TKFC: variants seen among roughly 807,000 people sequenced by gnomAD.
TKFC encodes triokinase/FMN cyclase.
A neutral mutation model predicts 61.0 loss-of-function variants in TKFC; 46 were observed. The ratio of observed to expected loss-of-function variants is 0.75; its 90% CI spans 0.60 to 0.96. The LOEUF (loss-of-function observed/expected upper bound fraction) is 0.96. Ranked by LOEUF, TKFC falls within the 50% of genes least tolerant of loss-of-function variation. The probability of loss-of-function intolerance (pLI) is 0.00; values close to 1 mark genes in which losing one functional copy is unlikely to be tolerated. For synonymous variants in TKFC, 314 were observed against 330.1 expected (o/e 0.95, Z 0.53); for missense variants, 715 against 777.5 (o/e 0.92, Z 0.96).
downstream of TKFC, chr11:61,349,727 C>G (rs1011224528): frequency 4.4e-6 from 3 of 684,898 alleles, no homozygotes; most frequent in African/African-American, 3.5e-5. Context: ...GCGGTCAGCT[C>G]CTCAGCAGAA....
downstream of TKFC, chr11:61,352,767 A>T: frequency 7.2e-7 from 1 of 1,397,844 alleles, no homozygotes; most frequent in Non-Finnish European, 9.3e-7. Flanking sequence ...TGTTTCTGAC[A>T]CACAGCAGGT....
At position 61,342,564 on chromosome 11, in the gene TKFC, CCTCT is replaced by C. The variant is rs780069679; in HGVS notation, c.691-9_691-6del. Reference sequence around the variant, plus strand: ...CCCAGATGCAGCTCATTCCTGGCTCCCTCTGACAGATGGCAACCGCCGATGAGAT... The same window carrying C: ...CCCAGATGCAGCTCATTCCTGGCTCCGACAGATGGCAACCGCCGATGAGAT... On this transcript the variant is annotated splice_polypyrimidine_tract_variant and splice_region_variant and intron_variant, in intron 8 of 17. Transcript: ENST00000394900. 3.1e-6 allele frequency: 5 copies of C among 1,613,996 alleles called. No homozygotes were observed. Among genetic ancestry groups the C allele is most frequent in the Admixed American group, 3.3e-5 (2 of 60,024 alleles).
At position 61,345,876 on chromosome 11, in the gene TKFC, C is replaced by T. The variant is rs148702395; in HGVS notation, c.1505C>T (p.Ala502Val). The T allele has an allele frequency of 3.1e-5, 50 of 1,614,130 alleles. No homozygotes were observed. In the African/African-American group the frequency reaches 3.6e-4, roughly 12 times the overall value. The part of the protein sequence containing the change: ...DRTMLDSLWA[A>V]GQELQAWKSP... ...GTCCAGCTGGATTCTCTGTGGGCAGCGGGGCAGGAGCTCCAAGCCTGGAAG... is the reference window on the plus strand; with the variant it reads ...GTCCAGCTGGATTCTCTGTGGGCAGTGGGGCAGGAGCTCCAAGCCTGGAAG... The change falls in exon 17 of 18, where the codon GCG becomes GTG. Residue 502 changes from alanine (A) to valine (V), a missense_variant. Coordinates refer to ENST00000394900, the MANE Select transcript of TKFC (RefSeq NM_015533.4).
chr11:61,333,377 C>T (rs1266058498), intron 1 of TKFC, 48 bp downstream of exon 1: 1 of 162,138 alleles, frequency 6.2e-6, no homozygotes, highest in Non-Finnish European at 1.3e-5. Flanking sequence ...CACCCCGTTC[C>T]GCGCCCTTTG....
At chr11:61,339,638 C>A in intron 5 of TKFC, 1 of 604,768 alleles carries the variant, frequency 1.7e-6, no homozygotes, top group Non-Finnish European at 2.9e-6. Flanking sequence ...GTCCCCTTTT[C>A]TTCTCCACAC....
At position 61,339,256 on chromosome 11, in the gene TKFC, G is replaced by A. The variant is rs767431212; in HGVS notation, c.307G>A (p.Gly103Arg). Reference sequence around the variant, plus strand: ...AGCCCTTCCGGCTGCTCCCGCAGTGGGGACGCTCCTTATCGTGAAGAACTA... The same window carrying A: ...AGCCCTTCCGGCTGCTCCCGCAGTGAGGACGCTCCTTATCGTGAAGAACTA... ...IRAVAQAGTV[G>R]TLLIVKNYTG... Residue 103 changes from glycine (G) to arginine (R), a missense_variant and splice_region_variant, in exon 5 of 18, where the codon GGG becomes AGG. By Grantham distance (125) the Gly-to-Arg change is moderately radical. Coordinates refer to ENST00000394900, the MANE Select transcript of TKFC (RefSeq NM_015533.4). The A allele has an allele frequency of 6.2e-7, 1 of 1,612,690 alleles. No homozygotes were observed. Among genetic ancestry groups the A allele is most frequent in the South Asian group, 1.1e-5 (1 of 91,008 alleles).
intron 1 of TKFC, chr11:61,334,407 T>A (rs566914977): frequency 2.9e-6 from 1 of 339,294 alleles, no homozygotes; most frequent in Admixed American, 4.0e-5. Flanking sequence ...GGCAGACCTG[T>A]GCTTGACATG....
In TKFC at chr11:61,347,917, G is replaced by T. The variant is rs1228584538; in HGVS notation, c.*1414G>T. 1.0e-6 allele frequency: 1 copy of T among 985,370 alleles called. No homozygotes were observed. Among genetic ancestry groups the T allele is most frequent in the South Asian group, 4.7e-5 (1 of 21,286 alleles). The allele number at this position is 985,370 out of a possible 1,614,324, so 61.0% of individuals were successfully genotyped here. On this transcript the variant is annotated 3_prime_UTR_variant, in exon 18 of 18. Coordinates refer to ENST00000394900, the MANE Select transcript of TKFC (RefSeq NM_015533.4). ...ACTGAGAGTTACGGTTATCACAGGG[G>T]TTGGGCCCCCAGCCCCTCCCAGGTC...
intron 5 of TKFC, among the ~76,000 whole-genome samples, chr11:61,340,758 C>T (rs1456955786): frequency 6.6e-6 from 1 of 152,186 alleles, no homozygotes; most frequent in Non-Finnish European, 1.5e-5. Flanking sequence ...AAAATTCTTT[C>T]CTTGTCCAGC....
chr11:61,336,432 C>T (rs1856609709), intron 2 of TKFC: 1 of 152,792 alleles, frequency 6.5e-6, no homozygotes, highest in Non-Finnish European at 1.5e-5. Context: ...CGTTGGGCCC[C>T]AGTCTCACTC....
At position 61,338,104 on chromosome 11, in the gene TKFC, G is replaced by A; in HGVS notation, c.167G>A (p.Gly56Asp). 6.2e-7 allele frequency: 1 copy of A among 1,604,226 alleles called. No homozygotes were observed. Among genetic ancestry groups the A allele is most frequent in the Non-Finnish European group, 8.5e-7 (1 of 1,177,992 alleles). Residue 56 changes from glycine to aspartate, a missense_variant, in exon 3 of 18, where the codon GGC (glycine) becomes GAC (aspartate). Physicochemically the swap from Gly to Asp is moderately conservative, Grantham distance 94 (BLOSUM62 -1). Coordinates refer to ENST00000394900, the MANE Select transcript of TKFC (RefSeq NM_015533.4). ...CGGGTGGCACTGCTGTCGGGTGGGG[G>A]CTCTGGCCATGAGCCTGCCCATGCT... ...KGRVALLSGGGSGHEPAHAGF... is the reference protein window; with the variant it reads ...KGRVALLSGGDSGHEPAHAGF...
At chr11:61,351,137 T>A (rs767938264), downstream of TKFC, 1 of 1,608,236 alleles carries the variant, frequency 6.2e-7, no homozygotes, top group African/African-American at 1.3e-5. Context: ...TATGGCCTGG[T>A]GGTGTTTTTC....
intron 5 of TKFC, 123 bp from the exon 6 acceptor site, chr11:61,341,313 G>A (rs575610248): frequency 4.8e-6 from 5 of 1,051,128 alleles, no homozygotes; most frequent in Non-Finnish European, 7.2e-6. Context: ...GATGGGCCAG[G>A]TTGAGTGTGA....
chr11:61,352,940 A>G (rs1472226656), downstream of TKFC: 1 of 1,613,948 alleles, frequency 6.2e-7, no homozygotes, highest in Admixed American at 1.7e-5. Flanking sequence ...TGAAGACCCT[A>G]TTCCCTCCTC....
In TKFC at chr11:61,342,445, C is replaced by A; in HGVS notation, c.656-16C>A. 6.2e-7 allele frequency: 1 copy of A among 1,613,972 alleles called. No individual in the cohort carries two copies. Among genetic ancestry groups the A allele is most frequent in the South Asian group, 1.1e-5 (1 of 91,084 alleles). On this transcript the variant is annotated splice_polypyrimidine_tract_variant and intron_variant, in intron 7 of 17. Coordinates refer to ENST00000394900, the MANE Select transcript of TKFC (RefSeq NM_015533.4). ...CAGGCCTTGAGTGGGTCAGCAGTGA[C>A]CACATCTATCCGCAGGGATCCACGG...
At chr11:61,350,849 C>A, downstream of TKFC, 1 of 1,245,394 alleles carries the variant, frequency 8.0e-7, no homozygotes, top group Non-Finnish European at 1.1e-6. Context: ...CCCCATCAGC[C>A]ACCCTAACTC....
downstream of TKFC, chr11:61,353,211 T>G: frequency 2.0e-6 from 3 of 1,500,014 alleles, no homozygotes; most frequent in Non-Finnish European, 2.7e-6. Flanking sequence ...CATCAGTGCC[T>G]CCTCCCCATC....
intron 3 of TKFC, among the ~76,000 whole-genome samples, chr11:61,338,332 G>A (rs1254208103): frequency 6.6e-6 from 1 of 152,184 alleles, no homozygotes. Flanking sequence ...ACAAATCTAC[G>A]AAGTTGGGCC....
intron 10 of TKFC, 108 bp from the exon 11 acceptor site, chr11:61,343,234 C>A: frequency 9.9e-7 from 1 of 1,006,972 alleles, no homozygotes; most frequent in Non-Finnish European, 1.5e-6. Flanking sequence ...ATCAGGACAT[C>A]TCCCTCCCGA....
Sources: gnomAD v4.1 joint callset for allele counts (sites outside exome capture counted in the v4.1 genomes callset) on GRCh38, gnomAD v4.1.1 for gene constraint, MANE v1.5 for transcripts, NCBI Gene and HGNC (gene_info 2026-07-23, HGNC 2026-07-21) for gene names.